The following NPIPA8 variants were observed in gnomAD, a reference collection of about 807,000 sequenced individuals.
The protein encoded by NPIPA8 is nuclear pore complex interacting protein family member A8.
In NPIPA8, 1 loss-of-function variant was observed where a neutral mutation model predicts 7.1. That is an observed-to-expected ratio of 0.14 (90% CI 0.05 to 0.66). The LOEUF (loss-of-function observed/expected upper bound fraction) is 0.66, where lower values mean the gene tolerates loss of function less well. NPIPA8 is among the 30% of genes least tolerant of loss of function. The pLI is 0.84.
intron 4 of NPIPA8, among the ~76,000 whole-genome samples, chr16:18,323,819 GAAAAAA>G (rs1162097124): frequency 0.15 from 4,739 of 30,594 alleles, 189 homozygotes; most frequent in Middle Eastern, 0.25. Flanking sequence ...CCCATCTCAG[GAAAAAA>G]AAAAAAAAAA....
At chr16:18,335,966 G>A (rs1327524601), upstream of NPIPA8, among the ~76,000 whole-genome samples, 68 of 151,012 alleles carry the variant, frequency 4.5e-4, no homozygotes, top group African/African-American at 8.8e-4. Context: ...GACTACAGGC[G>A]CCCGCCACCA....
In NPIPA8 at chr16:18,325,095, T is replaced by C. The variant is rs1160179008; in HGVS notation, c.193-597A>G. Among the ~76,000 whole-genome samples, 348 of 70,300 alleles carry C rather than the reference T, an allele frequency of 5.0e-3. 26 individuals are homozygous for C. Among genetic ancestry groups the C allele is most frequent in the African/African-American group, 0.021 (329 of 15,564 alleles). The allele number at this position is 70,300 out of a possible 152,430, so 46.1% of individuals were successfully genotyped here. On this transcript the variant is annotated intron_variant, in intron 2 of 7. Coordinates refer to ENST00000541810, the Ensembl canonical transcript of NPIPA8. ...GTTGTGGTGAGCTGAGATTGTGCCA[T>C]TGCACTCCAACCTGGGCAACAAAAT...
At chr16:18,335,902 G>A (rs1201922888), upstream of NPIPA8, among the ~76,000 whole-genome samples, 3 of 143,866 alleles carry the variant, frequency 2.1e-5, no homozygotes, top group African/African-American at 7.9e-5. Context: ...CTCACTGCAA[G>A]CTCCGCCTCC....
At chr16:18,325,042 G>A (rs1311748355) in intron 2 of NPIPA8, among the ~76,000 whole-genome samples, 1 of 67,152 alleles carries the variant, frequency 1.5e-5, no homozygotes, top group African/African-American at 7.3e-5. Context: ...GCTGAGGCAG[G>A]AGAATCACTT....
At chr16:18,335,966 G>T (rs1327524601), upstream of NPIPA8, among the ~76,000 whole-genome samples, 15 of 151,220 alleles carry the variant, frequency 9.9e-5, no homozygotes, top group African/African-American at 3.4e-4. Context: ...GACTACAGGC[G>T]CCCGCCACCA....
chr16:18,323,849 G>C (rs1339401609), intron 4 of NPIPA8, among the ~76,000 whole-genome samples: 9 of 75,864 alleles, frequency 1.2e-4, no homozygotes, highest in African/African-American at 3.9e-4. Context: ...AAAAAAAAAA[G>C]AGAAAGGAAA....
intron 4 of NPIPA8, among the ~76,000 whole-genome samples, chr16:18,323,818 G>A (rs1900050543): frequency 4.4e-5 from 1 of 22,716 alleles, no homozygotes; most frequent in Admixed American, 7.4e-4. Flanking sequence ...CCCCATCTCA[G>A]GAAAAAAAAA....
At position 18,323,847 on chromosome 16, in the gene NPIPA8, A is replaced by AAAAAAAAGAG. The variant is rs750129798; in HGVS notation, c.437+243_437+244insCTCTTTTTTT. On this transcript the variant is annotated intron_variant, in intron 4 of 7. Coordinates refer to ENST00000541810, the Ensembl canonical transcript of NPIPA8. The stretch of plus-strand genomic sequence containing the variant: ...AAAAAAAAAAAAAAAAAAAAAAAAA[A>AAAAAAAAGAG]AGAGAAAGGAAAACCAATGCCAGTA... 2.6e-4 allele frequency among the ~76,000 whole-genome samples: 24 copies of AAAAAAAAGAG among 91,602 alleles called. 1 individual carries two copies. The highest frequency in any genetic ancestry group is 5.0e-3 in the Middle Eastern group (1 of 200). The allele number at this position is 91,602 out of a possible 152,430, so 60.1% of individuals were successfully genotyped here.
intron 2 of NPIPA8, among the ~76,000 whole-genome samples, chr16:18,325,028 C>T (rs868168034): frequency 9.3e-5 from 6 of 64,334 alleles, no homozygotes; most frequent in East Asian, 3.9e-4. Flanking sequence ...CAGCTAGTCG[C>T]GAGGCTGAGG....
upstream of NPIPA8, chr16:18,336,353 C>T (rs1267444443): frequency 4.6e-5 from 3 of 64,580 alleles, no homozygotes; most frequent in African/African-American, 7.4e-5. Context: ...TGCACAGCCG[C>T]GTGCTTGCTT....
chr16:18,335,475 C>T (rs1295832931), upstream of NPIPA8, among the ~76,000 whole-genome samples: 2 of 121,052 alleles, frequency 1.7e-5, no homozygotes, highest in Admixed American at 1.5e-4. Flanking sequence ...GCTGGGATTA[C>T]AGGTGTGAGC....
chr16:18,336,094 T>C (rs1900175242), upstream of NPIPA8, among the ~76,000 whole-genome samples: 1 of 149,262 alleles, frequency 6.7e-6, no homozygotes, highest in South Asian at 2.1e-4. Context: ...AGTGTTGGGA[T>C]TACAGGCGTG....
intron 4 of NPIPA8, among the ~76,000 whole-genome samples, chr16:18,323,819 G>GAAAA (rs1162097124): frequency 3.0e-5 from 1 of 33,136 alleles, no homozygotes; most frequent in African/African-American, 7.7e-5. Flanking sequence ...CCCATCTCAG[G>GAAAA]AAAAAAAAAA....
upstream of NPIPA8, among the ~76,000 whole-genome samples, chr16:18,335,198 CA>C (rs1267254011): frequency 2.7e-4 from 5 of 18,552 alleles, no homozygotes; most frequent in Non-Finnish European, 5.2e-4. Flanking sequence ...TTTTGAATTT[CA>C]TTTTTTTTTT....
At chr16:18,323,844 A>AG (rs1473599310) in intron 4 of NPIPA8, among the ~76,000 whole-genome samples, 30 of 121,678 alleles carry the variant, frequency 2.5e-4, no homozygotes, top group African/African-American at 8.3e-4. Flanking sequence ...AAAAAAAAAA[A>AG]AAAAGAGAAA....
At chr16:18,323,819 G>GAAA (rs1162097124) in intron 4 of NPIPA8, among the ~76,000 whole-genome samples, 15 of 33,158 alleles carry the variant, frequency 4.5e-4, no homozygotes, top group East Asian at 1.5e-3. Context: ...CCCATCTCAG[G>GAAA]AAAAAAAAAA....
rs1413401764 is a variant in NPIPA8, at chr16:18,325,207, C to T, written c.193-709G>A. 1.4e-4 allele frequency among the ~76,000 whole-genome samples: 9 copies of T among 65,310 alleles called. 1 individual carries two copies. The highest frequency in any genetic ancestry group is 2.0e-4 in the African/African-American group (3 of 14,692). 42.8% of individuals were successfully genotyped at this position (65,310 alleles called of 152,430 possible). ...ATCCCAGCACTTTGGGAGGCCGAGG[C>T]GGGTGAATCACAAGGTCAAGAGATG... On this transcript the variant is annotated intron_variant, in intron 2 of 7. Coordinates refer to ENST00000541810, the Ensembl canonical transcript of NPIPA8.
intron 2 of NPIPA8, among the ~76,000 whole-genome samples, chr16:18,324,800 TCACACACACACA>T (rs529158643): frequency 5.1e-5 from 3 of 58,536 alleles, no homozygotes; most frequent in African/African-American, 7.6e-5. Flanking sequence ...TGAGACTCTG[TCACACACACACA>T]CACACACACA....
chr16:18,325,189 C>A lies in NPIPA8; in HGVS notation c.193-691G>T, dbSNP rs1490474875. Among the ~76,000 whole-genome samples the A allele has an allele frequency of 1.0e-4, 7 of 69,330 alleles. 1 individual carries two copies. The highest frequency in any genetic ancestry group is 2.0e-4 in the Non-Finnish European group (7 of 34,844). 45.5% of individuals were successfully genotyped at this position (69,330 alleles called of 152,430 possible). On this transcript the variant is annotated intron_variant, in intron 2 of 7. Transcript: ENST00000541810. ...CTGTAGCTCACGCCTGTAATCCCAG[C>A]ACTTTGGGAGGCCGAGGCGGGTGAA... is the stretch of plus-strand genomic sequence containing the variant.
Sources: gnomAD v4.1 joint callset for allele counts (sites outside exome capture counted in the v4.1 genomes callset) on GRCh38, gnomAD v4.1.1 for gene constraint, MANE v1.5 for transcripts, NCBI Gene and HGNC (gene_info 2026-07-23, HGNC 2026-07-21) for gene names.